GFRA2: variants seen among roughly 807,000 people sequenced by gnomAD.
The protein encoded by GFRA2 is GDNF family receptor alpha-2.
A neutral mutation model predicts 48.3 loss-of-function variants in GFRA2; 17 were observed. That is an observed-to-expected ratio of 0.35 (90% CI 0.24 to 0.53). GFRA2 has a LOEUF of 0.53. Among genes scored for constraint, GFRA2 ranks in the 20% least tolerant of loss-of-function variants. The pLI is 0.93. For synonymous variants in GFRA2, 305 were observed against 257.2 expected, an observed-to-expected ratio of 1.19 and a Z score of -1.78; for missense variants, 660 against 637.3, an observed-to-expected ratio of 1.04 and a Z score of -0.38.
intron 3 of GFRA2, among the ~76,000 whole-genome samples, chr8:21,755,382 A>T (rs28606000): frequency 1.7e-3 from 261 of 152,192 alleles, no homozygotes; most frequent in African/African-American, 6.0e-3. Context: ...AACCACTCTT[A>T]AAAAAATAAG....
chr8:21,788,224 A>G lies in GFRA2; in HGVS notation c.-65T>C. The G allele has an allele frequency of 1.3e-6, 2 of 1,583,714 alleles. No individual in the cohort carries two copies. The highest frequency in any genetic ancestry group is 1.2e-5 in the South Asian group (1 of 86,092). On this transcript the variant is annotated 5_prime_UTR_variant, in exon 1 of 9. Coordinates refer to ENST00000524240, the MANE Select transcript of GFRA2 (RefSeq NM_001495.5). ...GGTAAAAAAAAATAATAGTAGTAAC[A>G]ACAACAATAATAATAGGCAAGCAGT...
At chr8:21,730,068 T>C (rs1300865441) in intron 4 of GFRA2, among the ~76,000 whole-genome samples, 2 of 151,960 alleles carry the variant, frequency 1.3e-5, no homozygotes, top group East Asian at 3.9e-4. Context: ...ATAAAGGTGT[T>C]TCCTGGGTTC....
At chr8:21,753,405 C>T (rs1190644256) in intron 3 of GFRA2, among the ~76,000 whole-genome samples, 6 of 152,190 alleles carry the variant, frequency 3.9e-5, no homozygotes, top group Non-Finnish European at 8.8e-5. Context: ...GTCAGGAGTT[C>T]GAGGCCAGAC....
chr8:21,799,220 GAT>G (rs1491100680), intron 2 of GFRA2, among the ~76,000 whole-genome samples: 33 of 149,428 alleles, frequency 2.2e-4, no homozygotes, highest in South Asian at 4.2e-4. Context: ...CTGACCAGAG[GAT>G]TTTTTTTTTT....
Position 21,693,313 on chromosome 8 carries a change from C to G in GFRA2, c.1360G>C (p.Val454Leu). ...AGTTTCAGCATCAGGACAGACAGCA[C>G]GGTCAAGGCAGCCGACGGTCTGGCT... is the stretch of plus-strand genomic sequence containing the variant. ...SRARPSAALTVLSVLMLKLAL is the reference protein window; with the variant it reads ...SRARPSAALTLLSVLMLKLAL Residue 454 changes from valine (V) to leucine (L), a missense_variant, in exon 9 of 9, where the codon GTG (valine) becomes CTG (leucine). Physicochemically the swap from Val to Leu is conservative, Grantham distance 32 (BLOSUM62 1). Coordinates refer to ENST00000524240, the MANE Select transcript of GFRA2 (RefSeq NM_001495.5). The G allele has an allele frequency of 6.2e-7, 1 of 1,613,570 alleles. No homozygotes were observed. Among genetic ancestry groups the G allele is most frequent in the Non-Finnish European group, 8.5e-7 (1 of 1,179,700 alleles).
intron 6 of GFRA2, among the ~76,000 whole-genome samples, chr8:21,704,587 C>G (rs111268716): frequency 1.1e-3 from 171 of 152,326 alleles, no homozygotes; most frequent in African/African-American, 3.9e-3. Flanking sequence ...TAACCTCTCT[C>G]TGGCTTCTGG....
In GFRA2 at chr8:21,778,908, A is replaced by AT. The variant is rs377335888; in HGVS notation, c.355+3676_355+3677insA. Among the ~76,000 whole-genome samples the AT allele has an allele frequency of 9.0e-3, 1,368 of 151,982 alleles. 16 individuals are homozygous for AT. The highest frequency in any genetic ancestry group is 0.032 in the African/African-American group (1,325 of 41,432). The stretch of plus-strand genomic sequence containing the variant: ...ATCTCATTAAAAAATAAATAAATAA[A>AT]AAGACTCAAGGCCAGGCACAAGCGG... On this transcript the variant is annotated intron_variant, in intron 2 of 8. Transcript: ENST00000524240.
rs558394509 is a variant in GFRA2 at position 21,741,931 on chromosome 8, A to G, written c.794+8657T>C. 5.0e-4 allele frequency among the ~76,000 whole-genome samples: 75 copies of G among 150,232 alleles called. 2 individuals are homozygous for G. The highest frequency in any genetic ancestry group is 1.2e-3 in the East Asian group (6 of 5,184). Reference sequence around the variant, plus strand: ...GCAAGACTCCATCTCAAAAAAAAAAAAAAAGAAAGAAAGAAAGAAAGATGC... The same window carrying G: ...GCAAGACTCCATCTCAAAAAAAAAAGAAAAGAAAGAAAGAAAGAAAGATGC... On this transcript the variant is annotated intron_variant, in intron 4 of 8. Transcript: ENST00000524240.
intron 4 of GFRA2, among the ~76,000 whole-genome samples, chr8:21,744,613 G>A (rs1029301166): frequency 3.4e-5 from 5 of 149,190 alleles, no homozygotes; most frequent in Admixed American, 1.3e-4. Context: ...TGCAATGGCT[G>A]TAAGCTGAGA....
At chr8:21,803,702 A>G (rs1807809762) in intron 2 of GFRA2, among the ~76,000 whole-genome samples, 1 of 152,190 alleles carries the variant, frequency 6.6e-6, no homozygotes, top group African/African-American at 2.4e-5. Context: ...GCACAATCAT[A>G]GCTCACTGTA....
At chr8:21,766,624 C>T (rs543951457) in intron 3 of GFRA2, among the ~76,000 whole-genome samples, 6 of 151,068 alleles carry the variant, frequency 4.0e-5, no homozygotes, top group African/African-American at 1.5e-4. Flanking sequence ...TTCTAATGCC[C>T]CTCCCCCTTG....
intron 4 of GFRA2, among the ~76,000 whole-genome samples, chr8:21,725,305 G>C (rs914671588): frequency 6.6e-6 from 1 of 152,168 alleles, no homozygotes; most frequent in African/African-American, 2.4e-5. Flanking sequence ...CAAAGCAATC[G>C]GCAGCTGTGG....
chr8:21,797,980 C>G (rs1334829686), intron 2 of GFRA2, among the ~76,000 whole-genome samples: 2 of 152,144 alleles, frequency 1.3e-5, no homozygotes. Flanking sequence ...ACAGTTCCCC[C>G]TCCTACTCCC....
At chr8:21,707,264 C>T (rs1802794092) in intron 4 of GFRA2, among the ~76,000 whole-genome samples, 2 of 152,184 alleles carry the variant, frequency 1.3e-5, no homozygotes, top group Admixed American at 1.3e-4. Context: ...ACATATAGCA[C>T]CTCATGAAGC....
intron 4 of GFRA2, among the ~76,000 whole-genome samples, chr8:21,718,991 T>A (rs1342108413): frequency 6.7e-6 from 1 of 148,648 alleles, no homozygotes; most frequent in Non-Finnish European, 1.5e-5. Flanking sequence ...TCCAAGGGAG[T>A]CACTGTGGTG....
upstream of GFRA2, chr8:21,790,036 G>T (rs1807519445): frequency 1.0e-6 from 1 of 981,920 alleles, no homozygotes; most frequent in African/African-American, 1.7e-5. Context: ...CGGGAAGGGG[G>T]CGATTGATCC....
At chr8:21,744,550 A>AACACACACACACAC (rs71721911) in intron 4 of GFRA2, among the ~76,000 whole-genome samples, 2,692 of 140,174 alleles carry the variant, frequency 0.019, 113 homozygotes, top group African/African-American at 0.068. Context: ...AACCACCACC[A>AACACACACACACAC]ACACACACAC....
intron 3 of GFRA2, among the ~76,000 whole-genome samples, chr8:21,768,004 C>T (rs1475491413): frequency 6.6e-6 from 1 of 152,158 alleles, no homozygotes; most frequent in East Asian, 1.9e-4. Context: ...GGGAAAATGT[C>T]GATCCCTCCA....
chr8:21,809,394 A>G (rs987654115), intron 1 of GFRA2, among the ~76,000 whole-genome samples: 21 of 152,160 alleles, frequency 1.4e-4, no homozygotes, highest in Non-Finnish European at 1.9e-4. Context: ...GCGCGATCTC[A>G]GCTCACGGCA....
Sources: gnomAD v4.1 joint callset for allele counts (sites outside exome capture counted in the v4.1 genomes callset) on GRCh38, gnomAD v4.1.1 for gene constraint, MANE v1.5 for transcripts, NCBI Gene and HGNC (gene_info 2026-07-23, HGNC 2026-07-21) for gene names.